OSBPL11: variants seen among roughly 807,000 people sequenced by gnomAD.
The protein encoded by OSBPL11 is oxysterol-binding protein-related protein 11.
OSBPL11 carries 33 observed loss-of-function variants against 84.4 expected under a neutral mutation model. That is an observed-to-expected ratio of 0.39 (90% confidence interval 0.30 to 0.52). OSBPL11 has a LOEUF of 0.52. OSBPL11 is among the 20% of genes least tolerant of loss of function. The probability of loss-of-function intolerance (pLI) is 0.72; values close to 1 mark genes in which losing one functional copy is unlikely to be tolerated. For synonymous variants in OSBPL11, 276 were observed against 310.2 expected (o/e 0.89, Z 1.16); for missense variants, 736 against 901.1 (o/e 0.82, Z 2.35).
At chr3:125,555,151 T>A (rs1394392618) in intron 8 of OSBPL11, among the ~76,000 whole-genome samples, 3 of 152,196 alleles carry the variant, frequency 2.0e-5, no homozygotes, top group Non-Finnish European at 4.4e-5. Flanking sequence ...CTGAGTCTTC[T>A]GGCCTACATC....
chr3:125,553,069 G>A (rs1017597212), intron 8 of OSBPL11, among the ~76,000 whole-genome samples: 1 of 152,130 alleles, frequency 6.6e-6, no homozygotes, highest in Non-Finnish European at 1.5e-5. Context: ...CCATGACTGC[G>A]CCACTGCACT....
Position 125,546,122 on chromosome 3 carries a change from T to TA in OSBPL11, c.1841+1283dup, listed in dbSNP as rs769745638. Among the ~76,000 whole-genome samples, 223 of 134,204 alleles carry TA rather than the reference T, an allele frequency of 1.7e-3. 2 individuals carry two copies. The highest frequency in any genetic ancestry group is 3.1e-3 in the East Asian group (15 of 4,782). The allele number at this position is 134,204 out of a possible 152,430, so 88.0% of individuals were successfully genotyped here. A position where few individuals can be genotyped will look rare whatever the true frequency, so the allele number is the denominator to read the frequency against. On this transcript the variant is annotated intron_variant, in intron 10 of 12. Transcript: ENST00000296220. ...GGCAACATAGGGAGATCCTGTCTCT[T>TA]AAAAAAAAAAAAAAAAGAATAGGAA...
Position 125,529,732 on chromosome 3 carries a change from A to G in OSBPL11, c.*783T>C, listed in dbSNP as rs993981378. 5 of 152,624 alleles carry G rather than the reference A, an allele frequency of 3.3e-5. No individual in the cohort carries two copies. Among genetic ancestry groups the G allele is most frequent in the Non-Finnish European group, 5.9e-5 (4 of 68,034 alleles). The allele number at this position is 152,624 out of a possible 1,614,324, so 9.5% of individuals were successfully genotyped here. A position where few individuals can be genotyped will look rare whatever the true frequency, so the allele number is the denominator to read the frequency against. ...AATCTCATCATATTGACATTAACAC[A>G]TTTTTAAAAAGTGTCTCTCAAGTGT... On this transcript the variant is annotated 3_prime_UTR_variant, in exon 13 of 13. Transcript: ENST00000296220.
At chr3:125,531,510 CG>C in intron 12 of OSBPL11, among the ~76,000 whole-genome samples, 1 of 151,346 alleles carries the variant, frequency 6.6e-6, no homozygotes, top group East Asian at 2.0e-4. Context: ...AGGCTGGTCT[CG>C]AACTCCTGAC....
intron 9 of OSBPL11, among the ~76,000 whole-genome samples, chr3:125,551,945 A>G (rs1935915084): frequency 6.6e-6 from 1 of 152,072 alleles, no homozygotes; most frequent in Non-Finnish European, 1.5e-5. Flanking sequence ...TTTTAAACTT[A>G]GAGTTAATAT....
chr3:125,546,447 C>A (rs1580041703), intron 10 of OSBPL11, among the ~76,000 whole-genome samples: 1 of 152,178 alleles, frequency 6.6e-6, no homozygotes, highest in East Asian at 1.9e-4. Flanking sequence ...GATCCTCCAG[C>A]CTTGCCTCCT....
At chr3:125,561,485 T>C (rs745389576) in intron 7 of OSBPL11, among the ~76,000 whole-genome samples, 5 of 152,244 alleles carry the variant, frequency 3.3e-5, no homozygotes, top group Non-Finnish European at 5.9e-5. Flanking sequence ...GATCCAAACC[T>C]ATATCCAGTC....
rs1935528466 is a variant in OSBPL11 at position 125,529,671 on chromosome 3, ATTTTC to A, written c.*839_*843del. 1 of 152,588 alleles carries A rather than the reference ATTTTC, an allele frequency of 6.6e-6. No homozygotes were observed. The highest frequency in any genetic ancestry group is 1.5e-5 in the Non-Finnish European group (1 of 68,016). 9.5% of individuals were successfully genotyped at this position (152,588 alleles called of 1,614,324 possible). A position where few individuals can be genotyped will look rare whatever the true frequency, so the allele number is the denominator to read the frequency against. Reference sequence around the variant, plus strand: ...ACAGTTTTATTTTTTAATATTTGCTATTTTCTTTAATGCCTTAGTTCTGGAGAAAG... The same window carrying A: ...ACAGTTTTATTTTTTAATATTTGCTATTTAATGCCTTAGTTCTGGAGAAAG... On this transcript the variant is annotated 3_prime_UTR_variant, in exon 13 of 13. Transcript: ENST00000296220.
chr3:125,587,959 T>C (rs1936539851), intron 1 of OSBPL11, among the ~76,000 whole-genome samples: 1 of 151,978 alleles, frequency 6.6e-6, no homozygotes, highest in East Asian at 1.9e-4. Context: ...CAGTGGCTCA[T>C]GCCTATAATC....
intron 5 of OSBPL11, among the ~76,000 whole-genome samples, chr3:125,570,369 A>C (rs974071147): frequency 2.6e-5 from 4 of 151,474 alleles, no homozygotes; most frequent in Admixed American, 1.3e-4. Context: ...AAGAAAAAAT[A>C]AGCTGTGTGT....
chr3:125,567,753 G>T (rs1484733468), intron 5 of OSBPL11, among the ~76,000 whole-genome samples, 158 bp from the exon 6 acceptor site: 1 of 152,132 alleles, frequency 6.6e-6, no homozygotes, highest in African/African-American at 2.4e-5. Flanking sequence ...GGCATTTTGG[G>T]AGGCTGAGGT....
rs375085063 is a variant in OSBPL11 at position 125,560,563 on chromosome 3, T to G, written c.1015-44A>C. The stretch of plus-strand genomic sequence containing the variant: ...AAAAGTCTAGTATTTTAACTACCTA[T>G]TCATATCCATTGAGAACAAAACAAT... On this transcript the variant is annotated intron_variant, in intron 7 of 12. Coordinates refer to ENST00000296220, the MANE Select transcript of OSBPL11 (RefSeq NM_022776.5). The G allele has an allele frequency of 2.7e-6, 4 of 1,455,878 alleles. No individual in the cohort carries two copies. The South Asian group carries it at 6.1e-5, about 22-fold the overall frequency. 90.2% of individuals were successfully genotyped at this position (1,455,878 alleles called of 1,614,324 possible). A position where few individuals can be genotyped will look rare whatever the true frequency, so the allele number is the denominator to read the frequency against.
chr3:125,538,445 A>G lies in OSBPL11; in HGVS notation c.2024+6T>C. 6.2e-7 allele frequency: 1 copy of G among 1,611,850 alleles called. No homozygotes were observed. The highest frequency in any genetic ancestry group is 1.1e-5 in the South Asian group (1 of 90,696). ...TCTTTCCTGGATAGATGCAAGGATG[A>G]CATACCTGGATTCAAATGGATCCTG... On this transcript the variant is annotated splice_donor_region_variant and intron_variant, in intron 11 of 12. Coordinates refer to ENST00000296220, the MANE Select transcript of OSBPL11 (RefSeq NM_022776.5).
At chr3:125,576,737 G>A (rs1265065320) in intron 4 of OSBPL11, among the ~76,000 whole-genome samples, 1 of 151,288 alleles carries the variant, frequency 6.6e-6, no homozygotes, top group African/African-American at 2.4e-5. Flanking sequence ...AGGCTGGAGT[G>A]CAGTGGCGTG....
At chr3:125,588,334 G>A (rs533127839) in intron 1 of OSBPL11, among the ~76,000 whole-genome samples, 3 of 152,120 alleles carry the variant, frequency 2.0e-5, no homozygotes, top group African/African-American at 7.2e-5. Context: ...TTAATGGAAT[G>A]ATGAGGGCAG....
chr3:125,594,942 T>C lies in OSBPL11; in HGVS notation c.-142A>G. ...CGGCGGCTGGGGCGGGACTGTCAAATGGTCCAGAAAAGGAAGATACACATT... is the reference window on the plus strand; with the variant it reads ...CGGCGGCTGGGGCGGGACTGTCAAACGGTCCAGAAAAGGAAGATACACATT... On this transcript the variant is annotated 5_prime_UTR_variant, in exon 1 of 13. Coordinates refer to ENST00000296220, the MANE Select transcript of OSBPL11 (RefSeq NM_022776.5). The C allele has an allele frequency of 1.1e-6, 1 of 888,964 alleles. No individual in the cohort carries two copies. Among genetic ancestry groups the C allele is most frequent in the South Asian group, 1.8e-5 (1 of 54,290 alleles). The allele number at this position is 888,964 out of a possible 1,614,324, so 55.1% of individuals were successfully genotyped here. A position where few individuals can be genotyped will look rare whatever the true frequency, so the allele number is the denominator to read the frequency against.
Position 125,530,399 on chromosome 3 carries a change from G to T in OSBPL11, c.*116C>A. On this transcript the variant is annotated 3_prime_UTR_variant, in exon 13 of 13. Coordinates refer to ENST00000296220, the MANE Select transcript of OSBPL11 (RefSeq NM_022776.5). ...GCCCTAGTAGGTACATTCAGGTTTA[G>T]CTAGTTTCAGTCTGCGCAATCAGGA... The T allele has an allele frequency of 2.2e-6, 2 of 927,044 alleles. No homozygotes were observed. Among genetic ancestry groups the T allele is most frequent in the South Asian group, 2.8e-5 (2 of 71,558 alleles). 57.4% of individuals were successfully genotyped at this position (927,044 alleles called of 1,614,324 possible). A position where few individuals can be genotyped will look rare whatever the true frequency, so the allele number is the denominator to read the frequency against.
In OSBPL11 at chr3:125,576,361, T is replaced by G; in HGVS notation, c.494A>C (p.Asn165Thr). The stretch of plus-strand genomic sequence containing the variant: ...GAAGCTCCGTGACTTCAGAGGAGGA[T>G]TATTCTGTTAGACAAAGAAAATCAT... ...QHHTEAIGKN[N>T]PPLKSRSFSL... The change falls in exon 5 of 13, where the codon AAT becomes ACT. Residue 165 changes from asparagine (N) to threonine (T), a missense_variant. By Grantham distance (65) the Asn-to-Thr change is moderately conservative. Transcript: ENST00000296220. 3 of 1,562,842 alleles carry G rather than the reference T, an allele frequency of 1.9e-6. No homozygotes were observed. The highest frequency in any genetic ancestry group is 2.6e-6 in the Non-Finnish European group (3 of 1,163,740).
chr3:125,574,709 T>C (rs981407308), intron 5 of OSBPL11, among the ~76,000 whole-genome samples: 5 of 152,182 alleles, frequency 3.3e-5, no homozygotes, highest in Admixed American at 2.0e-4. Context: ...AGCTTCCCAA[T>C]ACTTTTCTGA....
Sources: gnomAD v4.1 joint callset for allele counts (sites outside exome capture counted in the v4.1 genomes callset) on GRCh38, gnomAD v4.1.1 for gene constraint, MANE v1.5 for transcripts, NCBI Gene and HGNC (gene_info 2026-07-23, HGNC 2026-07-21) for gene names.